Variants in XKR6 observed in about 807,000 individuals in gnomAD.
XKR6 encodes XK related 6.
A neutral mutation model predicts 56.7 loss-of-function variants in XKR6; 22 were observed. That is an observed-to-expected ratio of 0.39 (90% CI 0.28 to 0.55). The LOEUF is 0.55. XKR6 is among the 20% of genes least tolerant of loss of function. The pLI, the probability that XKR6 is intolerant of heterozygous loss-of-function variation, is 0.66. For missense variants in XKR6, 852 were observed against 889.0 expected (o/e 0.96, Z 0.53); for synonymous variants, 524 against 387.8 (o/e 1.35, Z -4.13).
At chr8:11,078,525 G>A (rs10099881) in intron 1 of XKR6, among the ~76,000 whole-genome samples, 28,584 of 152,138 alleles carry the variant, frequency 0.19, 2,819 homozygotes, top group Middle Eastern at 0.27. Context: ...TGAGGTCACT[G>A]GTGAATCCTT....
In XKR6 at chr8:11,014,413, G is replaced by A. The variant is rs962571643; in HGVS notation, c.765-89583C>T. Among the ~76,000 whole-genome samples, 3 of 152,244 alleles carry A rather than the reference G, an allele frequency of 2.0e-5. No individual in the cohort carries two copies. The East Asian group carries it at 5.8e-4, about 29-fold the overall frequency. Reference sequence around the variant, plus strand: ...GTGCTGGCCTGTGAATGATCCTTCCGTAAAGGCAGGAAAACCCCCTGCGGG... The same window carrying A: ...GTGCTGGCCTGTGAATGATCCTTCCATAAAGGCAGGAAAACCCCCTGCGGG... On this transcript the variant is annotated intron_variant, in intron 1 of 2. Coordinates refer to ENST00000416569, the MANE Select transcript of XKR6 (RefSeq NM_173683.4).
intron 1 of XKR6, among the ~76,000 whole-genome samples, chr8:11,026,053 C>T (rs991702589): frequency 2.6e-5 from 4 of 152,152 alleles, no homozygotes; most frequent in East Asian, 1.9e-4. Flanking sequence ...CAATCAACAA[C>T]GGGGATACAT....
At chr8:11,115,903 C>G (rs1189044486) in intron 1 of XKR6, among the ~76,000 whole-genome samples, 1 of 152,168 alleles carries the variant, frequency 6.6e-6, no homozygotes, top group Non-Finnish European at 1.5e-5. Context: ...AATTTAATAT[C>G]TTGACAAATA....
chr8:11,113,327 A>G (rs374611874), intron 1 of XKR6, among the ~76,000 whole-genome samples: 2 of 152,210 alleles, frequency 1.3e-5, no homozygotes, highest in Non-Finnish European at 2.9e-5. Flanking sequence ...CTACCTCAAC[A>G]TATTTAAAAG....
intron 2 of XKR6, among the ~76,000 whole-genome samples, chr8:10,902,449 C>G (rs1413293551): frequency 1.3e-5 from 2 of 152,224 alleles, no homozygotes; most frequent in Non-Finnish European, 2.9e-5. Flanking sequence ...CCGGCCATCT[C>G]TATGAGGATG....
At chr8:11,130,036 AAATT>A (rs1800025696) in intron 1 of XKR6, among the ~76,000 whole-genome samples, 1 of 152,162 alleles carries the variant, frequency 6.6e-6, no homozygotes, top group South Asian at 2.1e-4. Context: ...TAAAGCGCTG[AAATT>A]AATTCTCCAA....
At chr8:11,061,307 G>A (rs972074013) in intron 1 of XKR6, among the ~76,000 whole-genome samples, 3 of 152,010 alleles carry the variant, frequency 2.0e-5, no homozygotes, top group African/African-American at 7.2e-5. Context: ...TCTACAAAAA[G>A]ATACAAAAAT....
At chr8:11,032,931 A>G (rs1247212366) in intron 1 of XKR6, among the ~76,000 whole-genome samples, 10 of 152,208 alleles carry the variant, frequency 6.6e-5, no homozygotes, top group Non-Finnish European at 1.3e-4. Flanking sequence ...GAAGATAAAA[A>G]GATGACAACG....
At chr8:10,956,828 A>G (rs755743266) in intron 1 of XKR6, among the ~76,000 whole-genome samples, 5 of 152,218 alleles carry the variant, frequency 3.3e-5, no homozygotes, top group Admixed American at 2.0e-4. Context: ...TCAGCTTCTC[A>G]GATACAGGTA....
At chr8:11,122,651 G>C (rs928243392) in intron 1 of XKR6, among the ~76,000 whole-genome samples, 3 of 152,210 alleles carry the variant, frequency 2.0e-5, no homozygotes, top group Non-Finnish European at 2.9e-5. Context: ...ACCATAATTG[G>C]TAAATAATGT....
Position 11,175,404 on chromosome 8 carries a change from C to G in XKR6, c.764+25172G>C, listed in dbSNP as rs74532099. The G allele has an allele frequency of 3.1e-3, 559 of 180,144 alleles. 9 individuals are homozygous for G. The highest frequency in any genetic ancestry group is 0.017 in the South Asian group (121 of 6,942). 11.2% of individuals were successfully genotyped at this position (180,144 alleles called of 1,614,324 possible). On this transcript the variant is annotated intron_variant, in intron 1 of 2. Transcript: ENST00000416569. ...AAAGCACCTAAGATGCACCGTCGGACTTACAGAGCTCATGGCTGGACTAAC... is the reference window on the plus strand; with the variant it reads ...AAAGCACCTAAGATGCACCGTCGGAGTTACAGAGCTCATGGCTGGACTAAC...
intron 1 of XKR6, among the ~76,000 whole-genome samples, chr8:10,940,486 G>A (rs1586330711): frequency 6.6e-6 from 1 of 152,220 alleles, no homozygotes; most frequent in African/African-American, 2.4e-5. Flanking sequence ...AGTAGGCCCC[G>A]ATTTTCACCT....
At chr8:11,109,812 G>T in intron 1 of XKR6, 1 of 152,062 alleles carries the variant, frequency 6.6e-6, no homozygotes. Flanking sequence ...TCAATATTGT[G>T]GCTAGAACTG....
At chr8:10,930,156 A>C (rs1801013764) in intron 1 of XKR6, among the ~76,000 whole-genome samples, 1 of 152,168 alleles carries the variant, frequency 6.6e-6, no homozygotes, top group South Asian at 2.1e-4. Flanking sequence ...GGGGTAGAAA[A>C]TAAGTGATTT....
chr8:10,990,081 GT>G (rs1228542461), intron 1 of XKR6, among the ~76,000 whole-genome samples: 1 of 152,214 alleles, frequency 6.6e-6, no homozygotes, highest in Non-Finnish European at 1.5e-5. Flanking sequence ...GGTGCACCTT[GT>G]AAATGCTGAT....
chr8:11,178,358 A>T (rs192668587), intron 1 of XKR6, among the ~76,000 whole-genome samples: 1 of 152,090 alleles, frequency 6.6e-6, no homozygotes, highest in African/African-American at 2.4e-5. Context: ...AAAATGAATT[A>T]TCTCATGAGT....
At chr8:11,068,603 C>T (rs938102055) in intron 1 of XKR6, among the ~76,000 whole-genome samples, 2 of 152,230 alleles carry the variant, frequency 1.3e-5, no homozygotes, top group African/African-American at 2.4e-5. Context: ...GATGGCATCT[C>T]GGCAGGTCCT....
At chr8:11,172,077 T>C (rs539870501) in intron 1 of XKR6, among the ~76,000 whole-genome samples, 1 of 151,606 alleles carries the variant, frequency 6.6e-6, no homozygotes, top group African/African-American at 2.4e-5. Context: ...AAAAAAAAGT[T>C]ACCCAGTCTC....
Position 11,139,066 on chromosome 8 carries a change from C to G in XKR6, c.764+61510G>C, listed in dbSNP as rs192710470. ...AAAGCAATTAGTTCTCTAACCCACTCTATGGCAATTTCAGAATAAAACCAT... is the reference window on the plus strand; with the variant it reads ...AAAGCAATTAGTTCTCTAACCCACTGTATGGCAATTTCAGAATAAAACCAT... On this transcript the variant is annotated intron_variant, in intron 1 of 2. Coordinates refer to ENST00000416569, the MANE Select transcript of XKR6 (RefSeq NM_173683.4). Among the ~76,000 whole-genome samples, 9 of 152,308 alleles carry G rather than the reference C, an allele frequency of 5.9e-5. No homozygotes were observed. The East Asian group carries it at 1.7e-3, about 29-fold the overall frequency.
Sources: allele counts gnomAD v4.1 joint callset (sites outside exome capture counted in the v4.1 genomes callset), GRCh38; gene constraint gnomAD v4.1.1; transcripts MANE v1.5; gene names NCBI Gene and HGNC (gene_info 2026-07-23, HGNC 2026-07-21).